NDUFAF2: variants seen among roughly 807,000 people sequenced by gnomAD.
NDUFAF2 encodes NADH:ubiquinone oxidoreductase complex assembly factor 2.
In NDUFAF2, 13 loss-of-function variants were observed where a neutral mutation model predicts 22.8. The observed-to-expected ratio is 0.57, with a 90% CI of 0.37 to 0.91. The LOEUF (loss-of-function observed/expected upper bound fraction) is 0.91, where lower values mean the gene tolerates loss of function less well. Ranked by LOEUF, NDUFAF2 falls within the 40% of genes least tolerant of loss-of-function variation. NDUFAF2 has a pLI of 0.01. For synonymous variants in NDUFAF2, 53 were observed against 64.2 expected (o/e 0.83, Z 0.84); for missense variants, 162 against 195.2 (o/e 0.83, Z 1.01).
chr5:61,031,312 C>G (rs1331031291), intron 1 of NDUFAF2, among the ~76,000 whole-genome samples: 1 of 152,062 alleles, frequency 6.6e-6, no homozygotes, highest in East Asian at 1.9e-4. Flanking sequence ...CCTAGTCCCC[C>G]ACCCCCTGAC....
chr5:61,008,343 A>C, intron 1 of NDUFAF2, among the ~76,000 whole-genome samples: 1 of 152,112 alleles, frequency 6.6e-6, no homozygotes, highest in East Asian at 1.9e-4. Context: ...AAACCTTGAT[A>C]ATTGATGTTA....
chr5:61,145,638 A>G (rs1414524785), intron 3 of NDUFAF2, among the ~76,000 whole-genome samples: 2 of 152,210 alleles, frequency 1.3e-5, no homozygotes, highest in Admixed American at 6.5e-5. Context: ...CAGATAAGGG[A>G]TACTTACCCT....
intron 1 of NDUFAF2, among the ~76,000 whole-genome samples, chr5:60,966,191 A>G (rs1327294196): frequency 1.3e-5 from 2 of 152,072 alleles, no homozygotes; most frequent in East Asian, 3.9e-4. Context: ...GTCTTCTTAG[A>G]TCTTTTGCCC....
chr5:60,966,888 T>C (rs527707191), intron 1 of NDUFAF2, among the ~76,000 whole-genome samples: 44 of 152,224 alleles, frequency 2.9e-4, no homozygotes, highest in Non-Finnish European at 5.2e-4. Flanking sequence ...AAAAGTGTTA[T>C]TGGAATTTTG....
intron 2 of NDUFAF2, among the ~76,000 whole-genome samples, chr5:61,078,903 A>G (rs556274002): frequency 1.3e-5 from 2 of 152,318 alleles, no homozygotes; most frequent in Admixed American, 1.3e-4. Flanking sequence ...TTGTCTCTCT[A>G]TAATTCAGAT....
In NDUFAF2 at chr5:61,086,096, G is replaced by A. The variant is rs74444289; in HGVS notation, c.217+12882G>A. 2.2e-3 allele frequency among the ~76,000 whole-genome samples: 330 copies of A among 151,920 alleles called. 2 individuals carry two copies. Among genetic ancestry groups the A allele is most frequent in the African/African-American group, 7.4e-3 (306 of 41,398 alleles). ...ATCATTCCACAGCTCTCCAGCCTGC[G>A]TGACACAGCAAGATCCTATCTCTTA... On this transcript the variant is annotated intron_variant, in intron 2 of 3. Transcript: ENST00000296597.
chr5:60,946,473 G>C (rs1257816141), intron 1 of NDUFAF2, among the ~76,000 whole-genome samples: 1 of 151,928 alleles, frequency 6.6e-6, no homozygotes, highest in Non-Finnish European at 1.5e-5. Context: ...ATTTAGACTT[G>C]TTTCCCTAAT....
chr5:61,042,833 G>GCATA (rs1751900596), intron 1 of NDUFAF2, among the ~76,000 whole-genome samples: 1 of 152,150 alleles, frequency 6.6e-6, no homozygotes, highest in Admixed American at 6.5e-5. Flanking sequence ...AAACCTAAAT[G>GCATA]CATATTACCA....
At chr5:60,996,459 A>T (rs1385667392) in intron 1 of NDUFAF2, among the ~76,000 whole-genome samples, 1 of 151,896 alleles carries the variant, frequency 6.6e-6, no homozygotes. Context: ...CCTCTCCTTA[A>T]ACAGAAGGAA....
intron 2 of NDUFAF2, among the ~76,000 whole-genome samples, chr5:61,087,856 GTTTGT>G (rs1451187998): frequency 1.1e-4 from 17 of 152,084 alleles, no homozygotes; most frequent in Non-Finnish European, 2.1e-4. Context: ...TGCTCATTAT[GTTTGT>G]TTTTATTGCT....
chr5:60,963,477 A>G (rs1750717420), intron 1 of NDUFAF2, among the ~76,000 whole-genome samples: 1 of 152,148 alleles, frequency 6.6e-6, no homozygotes, highest in East Asian at 1.9e-4. Flanking sequence ...TGTACATTGT[A>G]CTGCATTTCC....
chr5:60,972,147 T>C (rs1199956466), intron 1 of NDUFAF2, among the ~76,000 whole-genome samples: 2 of 152,020 alleles, frequency 1.3e-5, no homozygotes, highest in Non-Finnish European at 2.9e-5. Context: ...TTCACCATGT[T>C]GGTCAGGCTG....
chr5:60,971,891 C>T (rs1750836144), intron 1 of NDUFAF2, among the ~76,000 whole-genome samples: 2 of 149,914 alleles, frequency 1.3e-5, no homozygotes, highest in South Asian at 2.1e-4. Flanking sequence ...ACCTCTATTT[C>T]TTAATATTTG....
At chr5:61,152,580 A>T in intron 3 of NDUFAF2, 124 bp from the exon 4 acceptor site, 1 of 644,278 alleles carries the variant, frequency 1.6e-6, no homozygotes, top group Non-Finnish European at 2.4e-6. Context: ...TATATTATTT[A>T]AATGCAAAGT....
At chr5:60,948,950 TG>T (rs1262499716) in intron 1 of NDUFAF2, among the ~76,000 whole-genome samples, 2 of 152,194 alleles carry the variant, frequency 1.3e-5, no homozygotes, top group African/African-American at 4.8e-5. Context: ...TATCAACACT[TG>T]GTATGGTCAG....
At chr5:61,051,988 G>A (rs1752030054) in intron 1 of NDUFAF2, among the ~76,000 whole-genome samples, 1 of 152,126 alleles carries the variant, frequency 6.6e-6, no homozygotes, top group African/African-American at 2.4e-5. Flanking sequence ...ACTACTTAGA[G>A]AAGTATAACT....
intron 1 of NDUFAF2, among the ~76,000 whole-genome samples, chr5:61,030,291 A>G (rs1227731748): frequency 1.3e-5 from 2 of 152,110 alleles, no homozygotes; most frequent in Non-Finnish European, 2.9e-5. Flanking sequence ...TATGGTTCTG[A>G]TTGTGTAGGC....
chr5:61,050,781 G>T (rs568661007), intron 1 of NDUFAF2, among the ~76,000 whole-genome samples: 106 of 152,212 alleles, frequency 7.0e-4, no homozygotes, highest in African/African-American at 2.5e-3. Flanking sequence ...CTTCATTATT[G>T]CAAGGTGGAA....
At chr5:61,062,430 C>T (rs994108938) in intron 1 of NDUFAF2, among the ~76,000 whole-genome samples, 4 of 152,036 alleles carry the variant, frequency 2.6e-5, no homozygotes, top group Admixed American at 1.3e-4. Context: ...ATACAATTGT[C>T]GGCTTCAACA....
Sources: gnomAD v4.1 joint callset for allele counts (sites outside exome capture counted in the v4.1 genomes callset) on GRCh38, gnomAD v4.1.1 for gene constraint, MANE v1.5 for transcripts, NCBI Gene and HGNC (gene_info 2026-07-23, HGNC 2026-07-21) for gene names.